The following TXNDC5 variants were observed in gnomAD, a reference collection of about 807,000 sequenced individuals.
TXNDC5 encodes thioredoxin domain-containing protein 5.
In TXNDC5, 44 loss-of-function variants were observed where a neutral mutation model predicts 52.6. The observed-to-expected ratio is 0.84, with a 90% CI of 0.66 to 1.08. The LOEUF (loss-of-function observed/expected upper bound fraction) is 1.08. Among genes scored for constraint, TXNDC5 ranks in the 50% least tolerant of loss-of-function variants. The probability of loss-of-function intolerance (pLI) is 0.00; values close to 1 mark genes in which losing one functional copy is unlikely to be tolerated. For synonymous variants in TXNDC5, 241 were observed against 234.4 expected (o/e 1.03, Z -0.26); for missense variants, 600 against 565.5 (o/e 1.06, Z -0.62).
intron 5 of TXNDC5, among the ~76,000 whole-genome samples, chr6:7,890,620 G>A (rs566602842): frequency 7.2e-5 from 11 of 152,254 alleles, no homozygotes; most frequent in Non-Finnish European, 1.5e-4. Flanking sequence ...TTACTTCCCC[G>A]AAATGTTCAA....
chr6:7,897,492 G>A (rs919991950), intron 3 of TXNDC5, among the ~76,000 whole-genome samples: 10 of 152,282 alleles, frequency 6.6e-5, no homozygotes, highest in African/African-American at 2.4e-4. Flanking sequence ...ACAATAAGGC[G>A]CATTGTCATT....
intron 4 of TXNDC5, among the ~76,000 whole-genome samples, chr6:7,894,039 G>T (rs1440529546): frequency 6.6e-6 from 1 of 152,200 alleles, no homozygotes; most frequent in African/African-American, 2.4e-5. Context: ...CAAAAAATGG[G>T]ATGTGGTATA....
chr6:7,889,121 G>T, intron 6 of TXNDC5: 1 of 475,928 alleles, frequency 2.1e-6, no homozygotes, highest in East Asian at 3.6e-5. Context: ...TTGTGCTGAT[G>T]GGGAACTCTG....
intron 4 of TXNDC5, among the ~76,000 whole-genome samples, chr6:7,892,854 A>G (rs926465886): frequency 4.6e-5 from 7 of 152,326 alleles, no homozygotes; most frequent in African/African-American, 1.7e-4. Context: ...ATCAGCAGTG[A>G]AAACGGACTA....
At chr6:7,905,413 G>A (rs1256659785) in intron 1 of TXNDC5, among the ~76,000 whole-genome samples, 1 of 151,980 alleles carries the variant, frequency 6.6e-6, no homozygotes, top group African/African-American at 2.4e-5. Flanking sequence ...AATGAGAAGG[G>A]GAAAAAAAAA....
At chr6:7,895,248 C>G in intron 3 of TXNDC5, 46 bp from the exon 4 acceptor site, 1 of 1,552,578 alleles carries the variant, frequency 6.4e-7, no homozygotes, top group Non-Finnish European at 8.8e-7. Context: ...AGTGGAGACA[C>G]AGGGAAACCA....
At chr6:7,899,387 A>G (rs544864367) in intron 3 of TXNDC5, among the ~76,000 whole-genome samples, 189 bp downstream of exon 3, 6 of 152,222 alleles carry the variant, frequency 3.9e-5, no homozygotes, top group Non-Finnish European at 1.5e-5. Flanking sequence ...TTTCCACACC[A>G]AAAAGTTTCT....
intron 3 of TXNDC5, 28 bp downstream of exon 3, chr6:7,899,532 AGAGGGAGGGAGGGAGG>A (rs70982116): frequency 3.1e-5 from 37 of 1,176,878 alleles, no homozygotes; most frequent in Middle Eastern, 2.5e-4. Context: ...AGGCAGGGAG[AGAGGGAGGGAGGGAGG>A]GAGGGAGGGA....
intron 4 of TXNDC5, among the ~76,000 whole-genome samples, chr6:7,893,338 TAAC>T (rs1400519377): frequency 6.6e-6 from 1 of 152,220 alleles, no homozygotes; most frequent in African/African-American, 2.4e-5. Flanking sequence ...CTTTAAAAGT[TAAC>T]AACTTCCATT....
intron 3 of TXNDC5, among the ~76,000 whole-genome samples, chr6:7,898,776 GATGATTTATAAA>G (rs1469004929): frequency 2.7e-5 from 2 of 73,092 alleles, no homozygotes; most frequent in African/African-American, 5.4e-5. Context: ...TTATGATCAT[GATGATTTATAAA>G]AAAGTGAAGA....
At chr6:7,885,644 A>C (rs1759941649) in intron 8 of TXNDC5, among the ~76,000 whole-genome samples, 1 of 152,234 alleles carries the variant, frequency 6.6e-6, no homozygotes, top group African/African-American at 2.4e-5. Context: ...AGATACCACA[A>C]AACTGAATAT....
intron 2 of TXNDC5, among the ~76,000 whole-genome samples, chr6:7,900,476 A>G (rs1225955): frequency 0.4 from 60,954 of 152,056 alleles, 14,032 homozygotes; most frequent in East Asian, 0.65. Flanking sequence ...ACCATTTGTT[A>G]GCAAGCCTGC....
At chr6:7,908,281 C>CAAAAAAAAAAAA (rs57783770) in intron 1 of TXNDC5, among the ~76,000 whole-genome samples, 6 of 62,770 alleles carry the variant, frequency 9.6e-5, no homozygotes, top group East Asian at 4.5e-4. Flanking sequence ...GACTCCATCT[C>CAAAAAAAAAAAA]AAAAAAAAAA....
In TXNDC5 at chr6:7,882,778, T is replaced by G. The variant is rs377347877; in HGVS notation, c.*366A>C. On this transcript the variant is annotated 3_prime_UTR_variant, in exon 10 of 10. Coordinates refer to ENST00000379757, the MANE Select transcript of TXNDC5 (RefSeq NM_030810.5). Reference sequence around the variant, plus strand: ...GGTAAACTATGCTTTGGATGTGCTTTCTTTCACCAAAATCACTCAACTCAG... The same window carrying G: ...GGTAAACTATGCTTTGGATGTGCTTGCTTTCACCAAAATCACTCAACTCAG... 4 of 198,674 alleles carry G rather than the reference T, an allele frequency of 2.0e-5. No homozygotes were observed. The highest frequency in any genetic ancestry group is 4.2e-5 in the Non-Finnish European group (4 of 96,280). The allele number at this position is 198,674 out of a possible 1,614,324, so 12.3% of individuals were successfully genotyped here. A position where few individuals can be genotyped will look rare whatever the true frequency, so the allele number is the denominator to read the frequency against.
At chr6:7,887,772 T>A (rs1036938203) in intron 7 of TXNDC5, among the ~76,000 whole-genome samples, 2 of 151,908 alleles carry the variant, frequency 1.3e-5, no homozygotes, top group Non-Finnish European at 2.9e-5. Context: ...CTCTCAGGGA[T>A]CCTACACCAC....
At chr6:7,900,637 G>A (rs553531909) in intron 2 of TXNDC5, among the ~76,000 whole-genome samples, 33 of 152,190 alleles carry the variant, frequency 2.2e-4, no homozygotes, top group Non-Finnish European at 3.7e-4. Flanking sequence ...TGTAACAGAA[G>A]ACCACAGATT....
At chr6:7,892,995 G>A (rs953905137) in intron 4 of TXNDC5, among the ~76,000 whole-genome samples, 6 of 152,166 alleles carry the variant, frequency 3.9e-5, no homozygotes, top group Non-Finnish European at 7.3e-5. Context: ...GTGTGACCAC[G>A]CTATAAAAAT....
At chr6:7,906,033 G>A (rs1760717073) in intron 1 of TXNDC5, among the ~76,000 whole-genome samples, 1 of 151,742 alleles carries the variant, frequency 6.6e-6, no homozygotes, top group South Asian at 2.1e-4. Flanking sequence ...TGAGCCCAGG[G>A]GTTCAAGACT....
At chr6:7,884,810 G>C (rs1025515302) in intron 8 of TXNDC5, among the ~76,000 whole-genome samples, 1 of 152,210 alleles carries the variant, frequency 6.6e-6, no homozygotes, top group African/African-American at 2.4e-5. Flanking sequence ...CAGGAGCAGA[G>C]GAACAGGGAA....
Sources: gnomAD v4.1 joint callset for allele counts (sites outside exome capture counted in the v4.1 genomes callset) on GRCh38, gnomAD v4.1.1 for gene constraint, MANE v1.5 for transcripts, NCBI Gene and HGNC (gene_info 2026-07-23, HGNC 2026-07-21) for gene names.